Variants in DST observed in about 807,000 individuals in gnomAD.
DST encodes the protein bullous pemphigoid antigen.
DST carries 253 observed loss-of-function variants against 875.2 expected under a neutral mutation model. The observed-to-expected ratio is 0.29, with a 90% confidence interval of 0.26 to 0.32. DST has a LOEUF of 0.32. DST is among the 10% of genes least tolerant of loss of function. The probability of loss-of-function intolerance (pLI) is 1.00; values close to 1 mark genes in which losing one functional copy is unlikely to be tolerated. For missense variants in DST, 8,287 were observed against 9,111.6 expected, an observed-to-expected ratio of 0.91 and a Z score of 3.68; for synonymous variants, 3,124 against 3,197.1, an observed-to-expected ratio of 0.98 and a Z score of 0.77.
rs2099517013 is a variant in DST, at chr6:56,734,802, G to A, written c.687+426C>T. ...AAGAATATAATAAGTCTAGACTTCTGTCCCTACAATATCTTTATTCTCATC... is the reference window on the plus strand; with the variant it reads ...AAGAATATAATAAGTCTAGACTTCTATCCCTACAATATCTTTATTCTCATC... On this transcript the variant is annotated intron_variant, in intron 5 of 103. Coordinates refer to ENST00000680361, the MANE Select transcript of DST (RefSeq NM_001374736.1). Among the ~76,000 whole-genome samples the A allele has an allele frequency of 3.3e-5, 5 of 152,136 alleles. 1 individual carries two copies. The highest frequency in any genetic ancestry group is 3.3e-4 in the Admixed American group (5 of 15,268).
At chr6:56,869,637 T>C (rs554585226) in intron 3 of DST, among the ~76,000 whole-genome samples, 17 of 152,146 alleles carry the variant, frequency 1.1e-4, no homozygotes, top group South Asian at 4.1e-4. Context: ...TCATGTGTAT[T>C]TTATGGCCCA....
intron 4 of DST, among the ~76,000 whole-genome samples, chr6:56,801,044 A>C (rs1026973422): frequency 1.3e-5 from 2 of 151,810 alleles, no homozygotes; most frequent in East Asian, 3.9e-4. Context: ...AAAAAAAAAA[A>C]AACCTCCTAT....
In DST at chr6:56,699,707, A is replaced by G. The variant is rs1252079399; in HGVS notation, c.993T>C (p.Asp331=). 2.0e-6 allele frequency: 3 copies of G among 1,531,632 alleles called. No individual in the cohort carries two copies. Among genetic ancestry groups the G allele is most frequent in the South Asian group, 2.5e-5 (2 of 79,128 alleles). The allele number at this position is 1,531,632 out of a possible 1,614,324, so 94.9% of individuals were successfully genotyped here. ...LVNIRNDDIT[D]GNPKLTLGLI... The stretch of plus-strand genomic sequence containing the variant: ...ATCCCAAAGTCAATTTGGGATTTCC[A>G]TCTGTTATGTCATCATTTCTAATAT... Residue 331 remains aspartate (D), a synonymous_variant, in exon 9 of 104, where the codon GAT becomes GAC. Transcript: ENST00000680361.
intron 8 of DST, among the ~76,000 whole-genome samples, chr6:56,701,340 TC>T (rs2099304439): frequency 6.6e-6 from 1 of 152,104 alleles, no homozygotes; most frequent in African/African-American, 2.4e-5. Context: ...TCCTGATACC[TC>T]AAGCAAGTTG....
chr6:56,693,522 C>G, intron 9 of DST: 1 of 485,162 alleles, frequency 2.1e-6, no homozygotes, highest in Non-Finnish European at 2.7e-6. Context: ...TGCAGATACA[C>G]TAATGAAGTT....
chr6:56,521,240 A>G (rs2096693659), intron 69 of DST, among the ~76,000 whole-genome samples: 1 of 152,116 alleles, frequency 6.6e-6, no homozygotes, highest in African/African-American at 2.4e-5. Flanking sequence ...TCATTTAAAG[A>G]ATATAAGACT....
intron 4 of DST, among the ~76,000 whole-genome samples, chr6:56,818,488 ACCTTTTCCATAGTAAACACC>A (rs1184707308): frequency 1.3e-5 from 2 of 152,136 alleles, no homozygotes; most frequent in Non-Finnish European, 2.9e-5. Flanking sequence ...ACAATCATTA[ACCTTTTCCATAGTAAACACC>A]CCTTTTACTC....
intron 5 of DST, among the ~76,000 whole-genome samples, chr6:56,704,572 A>G (rs904827414): frequency 6.6e-6 from 1 of 152,264 alleles, no homozygotes; most frequent in African/African-American, 2.4e-5. Flanking sequence ...TAATAATTCA[A>G]GAAGACAATT....
intron 4 of DST, among the ~76,000 whole-genome samples, chr6:56,805,489 C>CA (rs542460360): frequency 3.5e-4 from 52 of 149,990 alleles, no homozygotes; most frequent in South Asian, 1.1e-3. Context: ...TAAAAACAAA[C>CA]AAAAAAAAAC....
chr6:56,669,109 T>C (rs993010032), intron 10 of DST, among the ~76,000 whole-genome samples: 9 of 151,916 alleles, frequency 5.9e-5, no homozygotes, highest in African/African-American at 2.2e-4. Flanking sequence ...AGTATAGCAT[T>C]TAAGAGAACG....
intron 74 of DST, among the ~76,000 whole-genome samples, chr6:56,509,072 T>C (rs1224716510): frequency 6.6e-6 from 1 of 152,202 alleles, no homozygotes; most frequent in African/African-American, 2.4e-5. Flanking sequence ...AATAATCACC[T>C]AGGTACACTT....
In DST at chr6:56,514,594, C is replaced by CAT. The variant is rs1347326733; in HGVS notation, c.18576+855_18576+856insAT. The stretch of plus-strand genomic sequence containing the variant: ...ACAGGCGTATACACACACACACACA[C>CAT]ACACACACACACACACACCCCCTCA... On this transcript the variant is annotated intron_variant, in intron 72 of 103. Coordinates refer to ENST00000680361, the MANE Select transcript of DST (RefSeq NM_001374736.1). Among the ~76,000 whole-genome samples the CAT allele has an allele frequency of 2.4e-5, 3 of 125,682 alleles. No homozygotes were observed. In the East Asian group the frequency reaches 9.0e-4, roughly 38 times the overall value. The allele number at this position is 125,682 out of a possible 152,430, so 82.5% of individuals were successfully genotyped here. A position where few individuals can be genotyped will look rare whatever the true frequency, so the allele number is the denominator to read the frequency against.
chr6:56,633,375 T>C (rs10456191), intron 27 of DST, among the ~76,000 whole-genome samples: 62,739 of 148,590 alleles, frequency 0.42, 13,524 homozygotes, highest in African/African-American at 0.45. Context: ...TACAGGCGCC[T>C]GCCACTACGC....
At chr6:56,734,917 C>T (rs1483884713) in intron 5 of DST, 1 of 240,068 alleles carries the variant, frequency 4.2e-6, no homozygotes, top group Non-Finnish European at 7.9e-6. Flanking sequence ...TGTAGCTTTT[C>T]CATGCACTAA....
At chr6:56,471,751 C>G (rs2094906687) in intron 94 of DST, 1 of 421,624 alleles carries the variant, frequency 2.4e-6, no homozygotes. Flanking sequence ...ATTATATTTT[C>G]CAGGCAGCAT....
intron 10 of DST, among the ~76,000 whole-genome samples, chr6:56,654,728 A>G (rs938805842): frequency 1.3e-5 from 2 of 152,192 alleles, no homozygotes; most frequent in Admixed American, 1.3e-4. Flanking sequence ...GCTGAACATA[A>G]AAATTGCATG....
intron 73 of DST, among the ~76,000 whole-genome samples, chr6:56,510,850 A>G (rs944349461): frequency 5.9e-5 from 9 of 152,120 alleles, no homozygotes; most frequent in Non-Finnish European, 2.9e-5. Context: ...CCTTCTTGAG[A>G]GTACTTTATT....
rs1165832209 is a variant in DST at position 56,557,533 on chromosome 6, A to G, written c.14441-15T>C. Reference sequence around the variant, plus strand: ...CCACTTAGAATCTAAAAGAAAAAAAATGAAACTGGTGTTTGACATTTTTTG... The same window carrying G: ...CCACTTAGAATCTAAAAGAAAAAAAGTGAAACTGGTGTTTGACATTTTTTG... On this transcript the variant is annotated splice_polypyrimidine_tract_variant and intron_variant, in intron 58 of 103. Transcript: ENST00000680361. 5 of 1,589,750 alleles carry G rather than the reference A, an allele frequency of 3.1e-6. No individual in the cohort carries two copies. The African/African-American group carries it at 6.7e-5, about 21-fold the overall frequency.
chr6:56,488,656 A>G (rs1007624643), intron 86 of DST, among the ~76,000 whole-genome samples: 4 of 152,258 alleles, frequency 2.6e-5, no homozygotes, highest in South Asian at 4.1e-4. Flanking sequence ...GACAAATTTT[A>G]TATCACCCCA....
Sources: allele counts gnomAD v4.1 joint callset (sites outside exome capture counted in the v4.1 genomes callset), GRCh38; gene constraint gnomAD v4.1.1; transcripts MANE v1.5; gene names NCBI Gene and HGNC (gene_info 2026-07-23, HGNC 2026-07-21).